Variants in SPPL3 observed in about 807,000 individuals in gnomAD.
The protein encoded by SPPL3 is signal peptide peptidase like 3.
Under a neutral mutation model 42.4 loss-of-function variants are expected in SPPL3, and 5 were observed. That is an observed-to-expected ratio of 0.12 (90% CI 0.06 to 0.25). SPPL3 has a LOEUF of 0.25. Among genes scored for constraint, SPPL3 ranks in the 10% least tolerant of loss-of-function variants. The pLI is 1.00. For missense variants in SPPL3, 235 were observed against 489.0 expected (o/e 0.48, Z 4.90); for synonymous variants, 195 against 181.8 (o/e 1.07, Z -0.58).
intron 1 of SPPL3, among the ~76,000 whole-genome samples, chr12:120,866,661 A>T (rs1872762501): frequency 6.6e-6 from 1 of 152,252 alleles, no homozygotes; most frequent in African/African-American, 2.4e-5. Context: ...TACATTTCTC[A>T]AAACAGTTAC....
chr12:120,814,464 A>G (rs891795783), intron 1 of SPPL3, among the ~76,000 whole-genome samples: 3 of 152,236 alleles, frequency 2.0e-5, no homozygotes, highest in African/African-American at 7.2e-5. Context: ...TATCTGAGCT[A>G]TCATGTATCA....
At chr12:120,832,074 T>A (rs1285714977) in intron 1 of SPPL3, among the ~76,000 whole-genome samples, 2 of 152,220 alleles carry the variant, frequency 1.3e-5, no homozygotes, top group Admixed American at 1.3e-4. Flanking sequence ...ATAGCAATTG[T>A]ATCTGCTTAG....
chr12:120,867,817 G>A (rs985733588), intron 1 of SPPL3, among the ~76,000 whole-genome samples: 2 of 151,688 alleles, frequency 1.3e-5, no homozygotes, highest in Non-Finnish European at 2.9e-5. Flanking sequence ...GCATGATCTC[G>A]GCTCACCGCA....
chr12:120,898,109 C>T lies in SPPL3; in HGVS notation c.23+5736G>A, dbSNP rs368178779. ...GGTGGATTGCTTGAAGTCAGGAGTTCGAGACCAACCTGGCCAATATGGCAA... is the reference window on the plus strand; with the variant it reads ...GGTGGATTGCTTGAAGTCAGGAGTTTGAGACCAACCTGGCCAATATGGCAA... On this transcript the variant is annotated intron_variant, in intron 1 of 10. Coordinates refer to ENST00000353487, the MANE Select transcript of SPPL3 (RefSeq NM_139015.5). Among the ~76,000 whole-genome samples the T allele has an allele frequency of 5.8e-3, 882 of 151,782 alleles. 11 individuals carry two copies. Among genetic ancestry groups the T allele is most frequent in the African/African-American group, 0.019 (799 of 41,386 alleles).
chr12:120,884,797 TTTTTTTTTGGG>T (rs930656495), intron 1 of SPPL3, among the ~76,000 whole-genome samples: 2 of 113,498 alleles, frequency 1.8e-5, no homozygotes, highest in African/African-American at 2.6e-5. Context: ...TTTTTTGGGT[TTTTTTTTTGGG>T]TTTTTTTTTT....
intron 1 of SPPL3, among the ~76,000 whole-genome samples, chr12:120,877,311 T>A (rs1037434336): frequency 6.6e-6 from 1 of 152,132 alleles, no homozygotes; most frequent in Non-Finnish European, 1.5e-5. Flanking sequence ...GAATTATCAA[T>A]TCTACACCAT....
At chr12:120,825,495 C>T (rs1871207922) in intron 1 of SPPL3, among the ~76,000 whole-genome samples, 1 of 152,184 alleles carries the variant, frequency 6.6e-6, no homozygotes, top group Non-Finnish European at 1.5e-5. Flanking sequence ...GAATAAAGGT[C>T]ATGATCTTAA....
chr12:120,852,696 T>C lies in SPPL3; in HGVS notation c.24-41810A>G, dbSNP rs1872273516. Reference sequence around the variant, plus strand: ...GAAATATATGCATATATAATATACATATTTTACATATATGAAATATATTTT... The same window carrying C: ...GAAATATATGCATATATAATATACACATTTTACATATATGAAATATATTTT... On this transcript the variant is annotated intron_variant, in intron 1 of 10. Transcript: ENST00000353487. Among the ~76,000 whole-genome samples, 2 of 27,064 alleles carry C rather than the reference T, an allele frequency of 7.4e-5. 1 individual carries two copies. Among genetic ancestry groups the C allele is most frequent in the African/African-American group, 1.6e-4 (2 of 12,710 alleles). The allele number at this position is 27,064 out of a possible 152,430, so 17.8% of individuals were successfully genotyped here. A position where few individuals can be genotyped will look rare whatever the true frequency, so the allele number is the denominator to read the frequency against.
intron 6 of SPPL3, among the ~76,000 whole-genome samples, chr12:120,770,816 C>A (rs779541392): frequency 2.0e-5 from 3 of 152,198 alleles, no homozygotes; most frequent in Non-Finnish European, 4.4e-5. Flanking sequence ...TAATTTCCAG[C>A]CTGAATCTCT....
chr12:120,828,395 G>A (rs1871292217), intron 1 of SPPL3, among the ~76,000 whole-genome samples: 1 of 53,386 alleles, frequency 1.9e-5, no homozygotes, highest in South Asian at 9.7e-4. Flanking sequence ...AAAAATCAAA[G>A]TTTTTGCCTT....
At chr12:120,886,641 C>A (rs967652548) in intron 1 of SPPL3, among the ~76,000 whole-genome samples, 1 of 152,166 alleles carries the variant, frequency 6.6e-6, no homozygotes, top group African/African-American at 2.4e-5. Flanking sequence ...AAAATCTGAG[C>A]TATGAGGAGC....
intron 1 of SPPL3, among the ~76,000 whole-genome samples, chr12:120,849,024 C>T (rs940234977): frequency 5.9e-5 from 9 of 151,720 alleles, no homozygotes; most frequent in Non-Finnish European, 1.5e-5. Flanking sequence ...ATTAGCTGGG[C>T]ATGGTGGCAC....
At chr12:120,833,863 A>G (rs1021810491) in intron 1 of SPPL3, among the ~76,000 whole-genome samples, 10 of 151,842 alleles carry the variant, frequency 6.6e-5, no homozygotes, top group Non-Finnish European at 1.0e-4. Context: ...TTTAATTTAT[A>G]TAACTGAAGT....
chr12:120,857,336 G>A (rs769657130), intron 1 of SPPL3, among the ~76,000 whole-genome samples: 15 of 152,194 alleles, frequency 9.9e-5, no homozygotes, highest in Admixed American at 3.9e-4. Context: ...AGATGCTGGC[G>A]AGGCTGTGGA....
chr12:120,831,535 T>C (rs149653874), intron 1 of SPPL3, among the ~76,000 whole-genome samples: 256 of 152,362 alleles, frequency 1.7e-3, no homozygotes, highest in African/African-American at 5.9e-3. Context: ...TTTATGCCAC[T>C]GTTTATGTGA....
chr12:120,878,272 A>C (rs959335737), intron 1 of SPPL3, among the ~76,000 whole-genome samples: 3 of 152,228 alleles, frequency 2.0e-5, no homozygotes, highest in Admixed American at 1.3e-4. Flanking sequence ...AATATCATGA[A>C]GATTTTGTCC....
intron 1 of SPPL3, among the ~76,000 whole-genome samples, chr12:120,893,595 C>A (rs1873712429): frequency 6.6e-6 from 1 of 152,162 alleles, no homozygotes; most frequent in African/African-American, 2.4e-5. Flanking sequence ...ACCCCCACTA[C>A]TCTGATCTTA....
intron 1 of SPPL3, among the ~76,000 whole-genome samples, chr12:120,892,777 TCGAGACCATCCTG>T: frequency 6.6e-6 from 1 of 151,684 alleles, no homozygotes; most frequent in Non-Finnish European, 1.5e-5. Context: ...GGTCAGGAGA[TCGAGACCATCCTG>T]GCTAACACGG....
intron 3 of SPPL3, among the ~76,000 whole-genome samples, chr12:120,789,453 A>AAAAAAAAAG (rs1413689322): frequency 6.7e-6 from 1 of 150,280 alleles, no homozygotes; most frequent in East Asian, 1.9e-4. Flanking sequence ...CTCTGTCTCA[A>AAAAAAAAAG]AAAAAAAAAG....
Sources: allele counts gnomAD v4.1 joint callset (sites outside exome capture counted in the v4.1 genomes callset), GRCh38; gene constraint gnomAD v4.1.1; transcripts MANE v1.5; gene names NCBI Gene and HGNC (gene_info 2026-07-23, HGNC 2026-07-21).